DNA2: variants seen among roughly 807,000 people sequenced by gnomAD.
DNA2 encodes the protein DNA replication ATP-dependent helicase/nuclease DNA2.
A neutral mutation model predicts 119.1 loss-of-function variants in DNA2; 101 were observed. The observed-to-expected ratio is 0.85, with a 90% CI of 0.72 to 1.00. The LOEUF (loss-of-function observed/expected upper bound fraction) is 1.00, where lower values mean the gene tolerates loss of function less well. Among genes scored for constraint, DNA2 ranks in the 50% least tolerant of loss-of-function variants. The pLI, the probability that DNA2 is intolerant of heterozygous loss-of-function variation, is 0.00. For missense variants in DNA2, 1,121 were observed against 1,255.5 expected, an observed-to-expected ratio of 0.89 and a Z score of 1.62; for synonymous variants, 366 against 424.4, an observed-to-expected ratio of 0.86 and a Z score of 1.69.
intron 19 of DNA2, among the ~76,000 whole-genome samples, chr10:68,417,412 A>AAC (rs1554902603): frequency 2.1e-5 from 3 of 145,848 alleles, no homozygotes; most frequent in African/African-American, 7.4e-5. Context: ...AAAAAAAAAA[A>AAC]CACTATTTGG....
chr10:68,447,294 G>T (rs376665479), intron 6 of DNA2, among the ~76,000 whole-genome samples: 32 of 152,152 alleles, frequency 2.1e-4, no homozygotes, highest in African/African-American at 7.7e-4. Flanking sequence ...AACGTGGGCA[G>T]ATTACTTGAG....
chr10:68,429,780 C>G (rs528043447), intron 14 of DNA2, among the ~76,000 whole-genome samples: 1 of 139,158 alleles, frequency 7.2e-6, no homozygotes, highest in African/African-American at 2.6e-5. Flanking sequence ...CATTAAATAA[C>G]AAAATAAAAT....
At chr10:68,459,582 T>C (rs1202890011) in intron 4 of DNA2, among the ~76,000 whole-genome samples, 2 of 151,748 alleles carry the variant, frequency 1.3e-5, no homozygotes, top group African/African-American at 4.8e-5. Context: ...AGAATGGGGG[T>C]TGTCAGAGGC....
At chr10:68,450,389 T>C in intron 5 of DNA2, 142 bp from the exon 6 acceptor site, 1 of 682,110 alleles carries the variant, frequency 1.5e-6, no homozygotes, top group Non-Finnish European at 2.4e-6. Flanking sequence ...TTTTCAAACT[T>C]GGTCCCTGGA....
At chr10:68,433,688 C>T (rs1395232687) in intron 10 of DNA2, among the ~76,000 whole-genome samples, 1 of 152,058 alleles carries the variant, frequency 6.6e-6, no homozygotes, top group African/African-American at 2.4e-5. Context: ...CACCACCACA[C>T]CTGGCTAATT....
chr10:68,443,636 T>C (rs568574414), intron 8 of DNA2, among the ~76,000 whole-genome samples: 28 of 152,264 alleles, frequency 1.8e-4, no homozygotes, highest in African/African-American at 6.5e-4. Context: ...AGAGATCCCT[T>C]GAAAAAATAC....
chr10:68,472,148 C>T, upstream of DNA2: 2 of 1,376,806 alleles, frequency 1.5e-6, no homozygotes, highest in Middle Eastern at 3.9e-4. Context: ...AACGCTCCTG[C>T]CTTCTCTCTT....
intron 1 of DNA2, among the ~76,000 whole-genome samples, chr10:68,471,512 T>C (rs757300319): frequency 1.3e-5 from 2 of 152,074 alleles, no homozygotes; most frequent in Admixed American, 6.6e-5. Flanking sequence ...TATAAAAACA[T>C]TCCAGTGGCC....
At chr10:68,441,516 G>A (rs1376055273) in intron 9 of DNA2, among the ~76,000 whole-genome samples, 1 of 151,882 alleles carries the variant, frequency 6.6e-6, no homozygotes, top group Non-Finnish European at 1.5e-5. Context: ...GGTGGCTCAC[G>A]CCTGTAATCC....
intron 2 of DNA2, among the ~76,000 whole-genome samples, chr10:68,469,390 C>CAAAA (rs71019005): frequency 5.8e-4 from 44 of 76,014 alleles, no homozygotes; most frequent in South Asian, 8.3e-4. Context: ...ACTAAAAATA[C>CAAAA]AAAAAAAAAA....
intron 14 of DNA2, chr10:68,424,685 C>A: frequency 1.9e-6 from 3 of 1,606,518 alleles, no homozygotes; most frequent in Non-Finnish European, 2.6e-6. Context: ...GGCAGAAGTA[C>A]AATGTCCGCT....
rs554784382 is a variant in DNA2 at position 68,441,817 on chromosome 10, C to T, written c.1415+1100G>A. Among the ~76,000 whole-genome samples the T allele has an allele frequency of 6.8e-5, 10 of 147,624 alleles. No individual in the cohort carries two copies. In the East Asian group the frequency reaches 2.0e-3, roughly 30 times the overall value. On this transcript the variant is annotated intron_variant, in intron 9 of 20. Coordinates refer to ENST00000358410, the MANE Select transcript of DNA2 (RefSeq NM_001080449.3). ...TATTTAAAAAATCCAGTAAATACCA[C>T]ATTAATTTGCATTATACCAATATAT...
chr10:68,454,737 C>T (rs911211661), intron 5 of DNA2, among the ~76,000 whole-genome samples: 4 of 151,378 alleles, frequency 2.6e-5, no homozygotes, highest in African/African-American at 9.7e-5. Flanking sequence ...ACCTGGGAGG[C>T]GGAGGTTGTA....
At chr10:68,449,427 C>T (rs2052088477) in intron 6 of DNA2, among the ~76,000 whole-genome samples, 1 of 152,120 alleles carries the variant, frequency 6.6e-6, no homozygotes, top group African/African-American at 2.4e-5. Context: ...AGTTACCCTA[C>T]TTTTCATTCC....
At chr10:68,454,233 A>T (rs949438944) in intron 5 of DNA2, among the ~76,000 whole-genome samples, 4 of 152,164 alleles carry the variant, frequency 2.6e-5, no homozygotes, top group Middle Eastern at 3.2e-3. Flanking sequence ...TTATCCCTGT[A>T]ACAACAGTAC....
intron 6 of DNA2, 99 bp from the exon 7 acceptor site, chr10:68,446,512 A>C: frequency 2.7e-6 from 2 of 740,814 alleles, no homozygotes. Flanking sequence ...CAAAAGATCA[A>C]TAAAGTTATT....
Position 68,468,185 on chromosome 10 carries a change from C to T in DNA2, c.379G>A (p.Gly127Ser). The T allele has an allele frequency of 6.2e-7, 1 of 1,611,258 alleles. No homozygotes were observed. The highest frequency in any genetic ancestry group is 1.1e-5 in the South Asian group (1 of 90,028). Residue 127 changes from glycine to serine, a missense_variant, in exon 3 of 21, where the codon GGC becomes AGC. Transcript: ENST00000358410. ...LILYPDMLIS[G>S]TSIASSIRCM... The stretch of plus-strand genomic sequence containing the variant: ...CGAATACTACTGGCTATGCTGGTGC[C>T]AGAAATCAGCATGTCTGGATACAGA...
chr10:68,441,912 T>C (rs7916757), intron 9 of DNA2, among the ~76,000 whole-genome samples: 47,335 of 151,714 alleles, frequency 0.31, 9,050 homozygotes, highest in African/African-American at 0.53. Context: ...ATACTGAAAA[T>C]TTTTAACAGG....
rs2051634091 is a variant in DNA2 at position 68,419,194 on chromosome 10, T to C, written c.2807A>G (p.Asp936Gly). The C allele has an allele frequency of 1.3e-6, 2 of 1,597,606 alleles. No homozygotes were observed. The highest frequency in any genetic ancestry group is 2.3e-5 in the East Asian group (1 of 44,274). ...CCTGTACGGTGCAATAATACCAATA[T>C]CAGAGGGACTGCATCCAGCCTAAAT... is the stretch of plus-strand genomic sequence containing the variant. The part of the protein sequence containing the change: ...IFVKAGCSPS[D>G]IGIIAPYRQQ... Residue 936 changes from aspartate (D) to glycine (G), a missense_variant, in exon 19 of 21, where the codon GAT becomes GGT. Transcript: ENST00000358410.
Sources: allele counts gnomAD v4.1 joint callset (sites outside exome capture counted in the v4.1 genomes callset), GRCh38; gene constraint gnomAD v4.1.1; transcripts MANE v1.5; gene names NCBI Gene and HGNC (gene_info 2026-07-23, HGNC 2026-07-21).